Variants in CDKAL1 observed in about 807,000 individuals in gnomAD.
CDKAL1 encodes the protein CDKAL1 threonylcarbamoyladenosine tRNA methylthiotransferase.
Under a neutral mutation model 68.2 loss-of-function variants are expected in CDKAL1, and 32 were observed. The observed-to-expected ratio is 0.47, with a 90% CI of 0.35 to 0.63. CDKAL1 has a LOEUF of 0.63. CDKAL1 is among the 30% of genes least tolerant of loss of function. The pLI is 0.00. For synonymous variants in CDKAL1, 234 were observed against 244.3 expected (o/e 0.96, Z 0.39); for missense variants, 606 against 696.7 (o/e 0.87, Z 1.47).
chr6:20,731,698 C>T (rs1772932609), intron 5 of CDKAL1, among the ~76,000 whole-genome samples: 1 of 152,148 alleles, frequency 6.6e-6, no homozygotes, highest in African/African-American at 2.4e-5. Flanking sequence ...AAACATGTGT[C>T]ATAGAGACAA....
At chr6:20,900,179 T>C (rs1404825635) in intron 9 of CDKAL1, among the ~76,000 whole-genome samples, 1 of 152,166 alleles carries the variant, frequency 6.6e-6, no homozygotes, top group Non-Finnish European at 1.5e-5. Context: ...TTATACTATA[T>C]AGAATTTGGC....
At chr6:21,059,094 G>C (rs535213307) in intron 11 of CDKAL1, among the ~76,000 whole-genome samples, 7 of 152,182 alleles carry the variant, frequency 4.6e-5, no homozygotes, top group Non-Finnish European at 1.0e-4. Context: ...AGATTTCTCT[G>C]TAAACCACTG....
chr6:20,954,198 C>G (rs1239407054), intron 9 of CDKAL1, among the ~76,000 whole-genome samples: 2 of 151,938 alleles, frequency 1.3e-5, no homozygotes, highest in Non-Finnish European at 2.9e-5. Context: ...TTTTTTCTAC[C>G]TCATGGAACA....
chr6:21,101,879 A>G (rs2150984045), intron 12 of CDKAL1, among the ~76,000 whole-genome samples: 1 of 151,998 alleles, frequency 6.6e-6, no homozygotes, highest in Non-Finnish European at 1.5e-5. Context: ...AGAGCTGTCT[A>G]TCCTACCTCC....
chr6:20,805,288 A>T (rs1158996998), intron 8 of CDKAL1, among the ~76,000 whole-genome samples: 1 of 152,184 alleles, frequency 6.6e-6, no homozygotes, highest in Non-Finnish European at 1.5e-5. Context: ...AGTTCTTCTA[A>T]TGAGTCACCG....
intron 9 of CDKAL1, among the ~76,000 whole-genome samples, chr6:20,896,126 G>A (rs1325340677): frequency 8.8e-6 from 1 of 113,304 alleles, no homozygotes; most frequent in African/African-American, 3.4e-5. Context: ...TTTTGAGATG[G>A]AGTCTTGCTC....
At chr6:20,971,129 G>C (rs1336125868) in intron 10 of CDKAL1, among the ~76,000 whole-genome samples, 1 of 152,228 alleles carries the variant, frequency 6.6e-6, no homozygotes, top group Non-Finnish European at 1.5e-5. Flanking sequence ...TTACAGGCAT[G>C]AGCCCACCAT....
chr6:20,915,581 A>T (rs544384420), intron 9 of CDKAL1, among the ~76,000 whole-genome samples: 1 of 152,320 alleles, frequency 6.6e-6, no homozygotes, highest in East Asian at 1.9e-4. Context: ...AAAAATTTTT[A>T]TGACATCTGG....
At chr6:20,837,450 C>G (rs1777995018) in intron 8 of CDKAL1, among the ~76,000 whole-genome samples, 1 of 152,140 alleles carries the variant, frequency 6.6e-6, no homozygotes, top group Admixed American at 6.5e-5. Flanking sequence ...TCCATAACCA[C>G]TGAGAGAACA....
intron 5 of CDKAL1, 45 bp from the exon 6 acceptor site, chr6:20,739,474 C>A (rs763040972): frequency 3.3e-6 from 4 of 1,223,092 alleles, no homozygotes; most frequent in Non-Finnish European, 4.8e-6. Context: ...CAAGAGTATA[C>A]CCATGAGCAA....
At chr6:21,182,609 C>T in intron 13 of CDKAL1, among the ~76,000 whole-genome samples, 1 of 152,098 alleles carries the variant, frequency 6.6e-6, no homozygotes, top group East Asian at 1.9e-4. Flanking sequence ...TATTATGATT[C>T]TGGTATGTTA....
chr6:21,175,508 G>A (rs1777542044), intron 13 of CDKAL1, among the ~76,000 whole-genome samples: 2 of 152,110 alleles, frequency 1.3e-5, no homozygotes, highest in African/African-American at 2.4e-5. Flanking sequence ...ACTCAATGTA[G>A]TGACCTATAC....
At chr6:21,176,696 G>GTTT (rs1169908107) in intron 13 of CDKAL1, among the ~76,000 whole-genome samples, 15 of 100,514 alleles carry the variant, frequency 1.5e-4, no homozygotes, top group South Asian at 5.7e-4. Flanking sequence ...TTTTTTTTTT[G>GTTT]TTTTTTTTTT....
At chr6:20,635,534 G>A (rs1465840266) in intron 4 of CDKAL1, among the ~76,000 whole-genome samples, 2 of 151,950 alleles carry the variant, frequency 1.3e-5, no homozygotes, top group African/African-American at 4.8e-5. Context: ...ACACTTACTG[G>A]TTGAGCGTCC....
chr6:21,216,608 A>T (rs1755028983), intron 15 of CDKAL1, among the ~76,000 whole-genome samples: 1 of 152,190 alleles, frequency 6.6e-6, no homozygotes, highest in African/African-American at 2.4e-5. Flanking sequence ...GCGGTAAAGG[A>T]AACGTGCTAA....
chr6:20,804,386 T>G, intron 8 of CDKAL1, among the ~76,000 whole-genome samples: 1 of 152,206 alleles, frequency 6.6e-6, no homozygotes, highest in South Asian at 2.1e-4. Context: ...ATCGGTTAGT[T>G]CAAGGATTAA....
intron 14 of CDKAL1, among the ~76,000 whole-genome samples, chr6:21,200,017 G>A (rs1778625827): frequency 6.6e-6 from 1 of 152,120 alleles, no homozygotes; most frequent in Admixed American, 6.5e-5. Context: ...AGATTTTCTA[G>A]GAATTATTTT....
At chr6:20,911,988 G>A (rs557913838) in intron 9 of CDKAL1, among the ~76,000 whole-genome samples, 1 of 152,282 alleles carries the variant, frequency 6.6e-6, no homozygotes, top group South Asian at 2.1e-4. Context: ...ATCAAAGTCA[G>A]ATGGGATCTG....
chr6:20,844,380 G>C (rs1778292286), intron 8 of CDKAL1, among the ~76,000 whole-genome samples: 1 of 152,132 alleles, frequency 6.6e-6, no homozygotes, highest in South Asian at 2.1e-4. Context: ...TCTTGTGGGA[G>C]GGGGCAGCTT....
Sources: gnomAD v4.1 joint callset for allele counts (sites outside exome capture counted in the v4.1 genomes callset) on GRCh38, gnomAD v4.1.1 for gene constraint, MANE v1.5 for transcripts, NCBI Gene and HGNC (gene_info 2026-07-23, HGNC 2026-07-21) for gene names.